The following POLN variants were observed in gnomAD, a reference collection of about 807,000 sequenced individuals.
POLN encodes the protein DNA polymerase nu, also known as DNA polymerase N.
Under a neutral mutation model 113.5 loss-of-function variants are expected in POLN, and 108 were observed. The observed-to-expected ratio is 0.95, with a 90% CI of 0.81 to 1.12. The LOEUF (loss-of-function observed/expected upper bound fraction) is 1.12, where lower values mean the gene tolerates loss of function less well. Among genes scored for constraint, POLN ranks in the 50% most tolerant of loss-of-function variants. The probability of loss-of-function intolerance (pLI) is 0.00; values close to 1 mark genes in which losing one functional copy is unlikely to be tolerated. For missense variants in POLN, 1,097 were observed against 1,077.1 expected (o/e 1.02, Z -0.26); for synonymous variants, 386 against 391.5 (o/e 0.99, Z 0.17).
intron 15 of POLN, among the ~76,000 whole-genome samples, chr4:2,157,177 C>A (rs573419236): frequency 3.5e-4 from 53 of 152,298 alleles, no homozygotes; most frequent in African/African-American, 1.2e-3. Flanking sequence ...TGGGACTGTG[C>A]GTCACAGACA....
Position 2,174,005 on chromosome 4 carries a change from C to T in POLN, c.1324G>A (p.Ala442Thr). The change falls in exon 11 of 26, where the codon GCC becomes ACC. Residue 442 changes from alanine (A) to threonine (T), a missense_variant. Ala to Thr is a moderately conservative substitution (Grantham distance 58). Transcript: ENST00000511885. ...IPILAVMESH[A>T]IQVNKEEMEK... ...ATCTCCTCTTTGTTCACCTGAATGGCATGGCTTTCCATCACTGTGATTCGA... is the reference window on the plus strand; with the variant it reads ...ATCTCCTCTTTGTTCACCTGAATGGTATGGCTTTCCATCACTGTGATTCGA... The T allele has an allele frequency of 6.2e-7, 1 of 1,614,192 alleles. No individual in the cohort carries two copies. The highest frequency in any genetic ancestry group is 1.3e-5 in the African/African-American group (1 of 75,056).
chr4:2,085,709 T>C lies in POLN; in HGVS notation c.2101A>G (p.Ile701Val), dbSNP rs1730533345. 7 of 1,614,038 alleles carry C rather than the reference T, an allele frequency of 4.3e-6. No homozygotes were observed. The highest frequency in any genetic ancestry group is 3.3e-5 in the South Asian group (3 of 91,082). The change falls in exon 21 of 26, where the codon ATT (isoleucine) becomes GTT (valine). Residue 701 changes from isoleucine to valine, a missense_variant. Physicochemically the swap from Ile to Val is conservative, Grantham distance 29. Coordinates refer to ENST00000511885, the MANE Select transcript of POLN (RefSeq NM_181808.4). ...ERLAACLGVPIQEAAQFLESF... is the reference protein window; with the variant it reads ...ERLAACLGVPVQEAAQFLESF... The stretch of plus-strand genomic sequence containing the variant: ...TCCAAAAACTGGGCAGCTTCCTGAA[T>C]AGGAACTCCAAGGCAAGCAGCCAGC...
rs1431468122 is a variant in POLN at position 2,183,670 on chromosome 4, A to C, written c.1022-4205T>G. 2.6e-5 allele frequency among the ~76,000 whole-genome samples: 4 copies of C among 152,046 alleles called. No homozygotes were observed. The East Asian group carries it at 7.7e-4, about 29-fold the overall frequency. ...CTTGCCAGAGTCTGAGAAAGGGGGGATGGGGAGTGGCTGCTAAGGAGTACA... is the reference window on the plus strand; with the variant it reads ...CTTGCCAGAGTCTGAGAAAGGGGGGCTGGGGAGTGGCTGCTAAGGAGTACA... On this transcript the variant is annotated intron_variant, in intron 7 of 25. Transcript: ENST00000511885.
intron 16 of POLN, among the ~76,000 whole-genome samples, chr4:2,147,639 TTTTC>T (rs869212936): frequency 0.3 from 34,371 of 115,568 alleles, 5,573 homozygotes; most frequent in Non-Finnish European, 0.41. Flanking sequence ...CCAGTTTTTC[TTTTC>T]TTTTTTTTTT....
In POLN at chr4:2,207,981, A is replaced by C; in HGVS notation, c.714+6T>G. The C allele has an allele frequency of 6.3e-7, 1 of 1,584,972 alleles. No homozygotes were observed. Among genetic ancestry groups the C allele is most frequent in the South Asian group, 1.2e-5 (1 of 85,602 alleles). On this transcript the variant is annotated splice_donor_region_variant and intron_variant, in intron 5 of 25. Coordinates refer to ENST00000511885, the MANE Select transcript of POLN (RefSeq NM_181808.4). ...ACAGCAAATAAAAACATCACTGTTTACTAACCTGGTCAGCTCCTAGCTGGG... is the reference window on the plus strand; with the variant it reads ...ACAGCAAATAAAAACATCACTGTTTCCTAACCTGGTCAGCTCCTAGCTGGG...
At chr4:2,081,558 T>A in intron 22 of POLN, 75 bp downstream of exon 22, 1 of 1,401,866 alleles carries the variant, frequency 7.1e-7, no homozygotes, top group Non-Finnish European at 1.0e-6. Context: ...GATCGGTGGG[T>A]GCCACCCAGC....
rs1163829815 is a variant in POLN, at chr4:2,242,117, G to A, written c.-350C>T. On this transcript the variant is annotated 5_prime_UTR_variant, in exon 1 of 26. Coordinates refer to ENST00000511885, the MANE Select transcript of POLN (RefSeq NM_181808.4). ...CCGCCCTCCGTGCCCCGCGCGCCTC[G>A]CACTGCCTCACGGGAGCGCCTGGAC... The A allele has an allele frequency of 4.1e-6, 4 of 985,820 alleles. No individual in the cohort carries two copies. The highest frequency in any genetic ancestry group is 4.8e-6 in the Non-Finnish European group (4 of 830,200). The allele number at this position is 985,820 out of a possible 1,614,324, so 61.1% of individuals were successfully genotyped here.
chr4:2,194,270 T>C (rs991905477), intron 6 of POLN, among the ~76,000 whole-genome samples: 5 of 152,228 alleles, frequency 3.3e-5, no homozygotes, highest in Non-Finnish European at 5.9e-5. Flanking sequence ...TCCCTCTTTA[T>C]AGTAAATGTT....
chr4:2,189,292 A>G (rs1296866459), intron 7 of POLN, among the ~76,000 whole-genome samples: 1 of 152,242 alleles, frequency 6.6e-6, no homozygotes, highest in East Asian at 1.9e-4. Flanking sequence ...CTTTACTTAT[A>G]CAGACTTACA....
chr4:2,083,913 G>A (rs577978762), intron 21 of POLN, among the ~76,000 whole-genome samples: 6 of 152,348 alleles, frequency 3.9e-5, no homozygotes, highest in South Asian at 2.1e-4. Context: ...GTAGAAGGAC[G>A]TGAGCACATT....
At chr4:2,143,062 A>G (rs36057468) in intron 16 of POLN, among the ~76,000 whole-genome samples, 5,252 of 152,158 alleles carry the variant, frequency 0.035, 311 homozygotes, top group African/African-American at 0.12. Flanking sequence ...GTCAAAATGT[A>G]TGGGTTAAAG....
At chr4:2,228,682 T>G (rs1734471196) in intron 3 of POLN, 1 of 174,600 alleles carries the variant, frequency 5.7e-6, no homozygotes, top group Admixed American at 6.0e-5. Flanking sequence ...TATACACTGA[T>G]CCAATAATCC....
intron 16 of POLN, among the ~76,000 whole-genome samples, chr4:2,152,174 G>A (rs766578682): frequency 3.3e-5 from 5 of 151,056 alleles, no homozygotes; most frequent in African/African-American, 4.9e-5. Context: ...TGGGACCATA[G>A]GCGTGCACCA....
intron 19 of POLN, among the ~76,000 whole-genome samples, chr4:2,124,290 G>C (rs928495574): frequency 6.6e-6 from 1 of 152,050 alleles, no homozygotes; most frequent in Admixed American, 6.5e-5. Context: ...TTTATTTTTT[G>C]AGAGACAGGT....
intron 2 of POLN, among the ~76,000 whole-genome samples, chr4:2,239,616 T>A (rs1437906993): frequency 6.6e-6 from 1 of 152,164 alleles, no homozygotes; most frequent in Non-Finnish European, 1.5e-5. Context: ...CAAAAAGAAA[T>A]CAGTTTCAGT....
intron 20 of POLN, among the ~76,000 whole-genome samples, chr4:2,095,473 G>A (rs1303488454): frequency 6.6e-6 from 1 of 152,218 alleles, no homozygotes; most frequent in African/African-American, 2.4e-5. Flanking sequence ...ATGTGGCAAT[G>A]AGTCCAAGCG....
At chr4:2,204,109 CAAAAA>C (rs566255148) in intron 5 of POLN, among the ~76,000 whole-genome samples, 1 of 53,234 alleles carries the variant, frequency 1.9e-5, no homozygotes, top group African/African-American at 7.8e-5. Flanking sequence ...AACTCTATCA[CAAAAA>C]AAAAAAAAAA....
chr4:2,192,798 T>A (rs1278596760), intron 7 of POLN, among the ~76,000 whole-genome samples: 1 of 150,756 alleles, frequency 6.6e-6, no homozygotes. Flanking sequence ...TTGGACTCCA[T>A]CTCTAAAAAA....
intron 20 of POLN, chr4:2,090,669 C>G (rs187014255): frequency 9.4e-4 from 245 of 260,422 alleles, no homozygotes; most frequent in Non-Finnish European, 1.6e-3. Context: ...CAAAACACTC[C>G]GCTTAGATAC....
Sources: allele counts gnomAD v4.1 joint callset (sites outside exome capture counted in the v4.1 genomes callset), GRCh38; gene constraint gnomAD v4.1.1; transcripts MANE v1.5; gene names NCBI Gene and HGNC (gene_info 2026-07-23, HGNC 2026-07-21).